AP3S2: variants seen among roughly 807,000 people sequenced by gnomAD.
The protein encoded by AP3S2 is AP-3 complex subunit sigma-2.
A neutral mutation model predicts 23.4 loss-of-function variants in AP3S2; 22 were observed. That is an observed-to-expected ratio of 0.94 (90% CI 0.67 to 1.34). The LOEUF (loss-of-function observed/expected upper bound fraction) is 1.34, where lower values mean the gene tolerates loss of function less well. Among genes scored for constraint, AP3S2 ranks in the 40% most tolerant of loss-of-function variants. The probability of loss-of-function intolerance (pLI) is 0.00; values close to 1 mark genes in which losing one functional copy is unlikely to be tolerated. For missense variants in AP3S2, 241 were observed against 236.9 expected, an observed-to-expected ratio of 1.02 and a Z score of -0.11; for synonymous variants, 86 against 87.1, an observed-to-expected ratio of 0.99 and a Z score of 0.07.
chr15:89,868,451 C>T (rs1896216606), intron 4 of AP3S2, among the ~76,000 whole-genome samples: 1 of 85,758 alleles, frequency 1.2e-5, no homozygotes, highest in South Asian at 5.0e-4. Flanking sequence ...CGCCTCTGCC[C>T]GGCCACCCCT....
At chr15:89,884,221 T>A (rs2141897295) in intron 3 of AP3S2, among the ~76,000 whole-genome samples, 1 of 152,356 alleles carries the variant, frequency 6.6e-6, no homozygotes, top group African/African-American at 2.4e-5. Flanking sequence ...TCTCAGCAAC[T>A]ACTAATTTTT....
intron 4 of AP3S2, among the ~76,000 whole-genome samples, chr15:89,864,684 C>T (rs1192621405): frequency 2.0e-5 from 3 of 151,924 alleles, no homozygotes; most frequent in Non-Finnish European, 2.9e-5. Flanking sequence ...GCTGGGACTA[C>T]AGGCACACCA....
intron 4 of AP3S2, among the ~76,000 whole-genome samples, chr15:89,857,139 TGGGCTG>T (rs1453312402): frequency 6.6e-6 from 1 of 152,008 alleles, no homozygotes; most frequent in East Asian, 1.9e-4. Flanking sequence ...AAGTAAAAAC[TGGGCTG>T]GGGCTGGGCA....
At chr15:89,839,019 G>A (rs182452312) in intron 4 of AP3S2, among the ~76,000 whole-genome samples, 3 of 152,252 alleles carry the variant, frequency 2.0e-5, no homozygotes, top group East Asian at 1.9e-4. Flanking sequence ...CTGTGGGGCT[G>A]TCCTGTCACT....
At chr15:89,879,437 TG>T (rs1370472835) in intron 3 of AP3S2, among the ~76,000 whole-genome samples, 1 of 152,054 alleles carries the variant, frequency 6.6e-6, no homozygotes. Flanking sequence ...AGCAAGAAAT[TG>T]GGAAAAACAT....
intron 3 of AP3S2, among the ~76,000 whole-genome samples, chr15:89,882,003 G>A (rs573792073): frequency 6.6e-6 from 1 of 152,148 alleles, no homozygotes; most frequent in African/African-American, 2.4e-5. Flanking sequence ...TGGATTTTTA[G>A]TAGAGACAGG....
chr15:89,841,221 T>C (rs549741827), intron 4 of AP3S2, among the ~76,000 whole-genome samples: 18 of 152,286 alleles, frequency 1.2e-4, no homozygotes, highest in African/African-American at 4.3e-4. Flanking sequence ...CATCATAAAG[T>C]CAGCATTTTC....
chr15:89,873,759 TGTGA>T (rs763958013), intron 3 of AP3S2, among the ~76,000 whole-genome samples: 7 of 152,192 alleles, frequency 4.6e-5, no homozygotes, highest in African/African-American at 9.7e-5. Context: ...GCAACAAGGC[TGTGA>T]GTGTTTTTGT....
At chr15:89,870,702 C>T (rs1327311843) in intron 4 of AP3S2, among the ~76,000 whole-genome samples, 1 of 152,188 alleles carries the variant, frequency 6.6e-6, no homozygotes, top group Non-Finnish European at 1.5e-5. Context: ...CAATGAGCAG[C>T]AGTCTCCTAA....
chr15:89,875,715 A>G (rs1433261715), intron 3 of AP3S2, among the ~76,000 whole-genome samples: 1 of 152,222 alleles, frequency 6.6e-6, no homozygotes, highest in Non-Finnish European at 1.5e-5. Flanking sequence ...TCGGAAGGCC[A>G]AGGTGGGCAA....
intron 4 of AP3S2, among the ~76,000 whole-genome samples, chr15:89,865,301 T>C (rs941570495): frequency 4.6e-5 from 7 of 152,094 alleles, no homozygotes; most frequent in African/African-American, 1.4e-4. Flanking sequence ...AAGTGACACA[T>C]GGCACTTCCA....
intron 4 of AP3S2, among the ~76,000 whole-genome samples, chr15:89,866,010 C>A (rs1179512571): frequency 1.3e-5 from 2 of 152,056 alleles, no homozygotes; most frequent in Non-Finnish European, 2.9e-5. Context: ...GCCTGTAATT[C>A]CAGCACTTTG....
chr15:89,851,793 C>T (rs1023329896), intron 4 of AP3S2, among the ~76,000 whole-genome samples: 1 of 110,466 alleles, frequency 9.1e-6, no homozygotes, highest in African/African-American at 3.4e-5. Context: ...CAGGGTTCTC[C>T]GTGAAATCAT....
intron 3 of AP3S2, among the ~76,000 whole-genome samples, chr15:89,879,075 C>T (rs978210930): frequency 2.0e-5 from 3 of 152,210 alleles, no homozygotes; most frequent in Non-Finnish European, 4.4e-5. Flanking sequence ...GACAAAGTCT[C>T]ACTATGCTGC....
At chr15:89,859,268 CTTT>C (rs1016982567) in intron 4 of AP3S2, among the ~76,000 whole-genome samples, 10 of 141,116 alleles carry the variant, frequency 7.1e-5, no homozygotes, top group Non-Finnish European at 1.2e-4. Context: ...TCCTTTTTTT[CTTT>C]TCTTTCTTTC....
intron 1 of AP3S2, 80 bp from the exon 2 acceptor site, chr15:89,889,220 A>C: frequency 6.7e-7 from 1 of 1,483,418 alleles, no homozygotes; most frequent in South Asian, 1.2e-5. Context: ...CAAGGGAAGA[A>C]GTGTTTCTAA....
chr15:89,843,523 A>T (rs1337467898), intron 4 of AP3S2, among the ~76,000 whole-genome samples: 1 of 152,096 alleles, frequency 6.6e-6, no homozygotes, highest in African/African-American at 2.4e-5. Context: ...CTGTAATCCC[A>T]GCTACTCAGG....
chr15:89,885,467 T>C (rs1896675225), intron 3 of AP3S2, among the ~76,000 whole-genome samples: 1 of 152,098 alleles, frequency 6.6e-6, no homozygotes, highest in Non-Finnish European at 1.5e-5. Context: ...CCTCCCAAAG[T>C]GCTAGGATTA....
intron 3 of AP3S2, among the ~76,000 whole-genome samples, chr15:89,878,750 C>T (rs765911821): frequency 1.3e-5 from 2 of 151,806 alleles, no homozygotes; most frequent in Non-Finnish European, 2.9e-5. Context: ...GTTGCTGTTT[C>T]TTTGTTTGTT....
Sources: allele counts gnomAD v4.1 joint callset (sites outside exome capture counted in the v4.1 genomes callset), GRCh38; gene constraint gnomAD v4.1.1; transcripts MANE v1.5; gene names NCBI Gene and HGNC (gene_info 2026-07-23, HGNC 2026-07-21).